Variants in VPS13B observed in about 807,000 individuals in gnomAD.
The protein encoded by VPS13B is intermembrane lipid transfer protein VPS13B.
Under a neutral mutation model 426.4 loss-of-function variants are expected in VPS13B, and 285 were observed. The ratio of observed to expected loss-of-function variants is 0.67; its 90% CI spans 0.61 to 0.74. The LOEUF (loss-of-function observed/expected upper bound fraction) is 0.74. Ranked by LOEUF, VPS13B falls within the 30% of genes least tolerant of loss-of-function variation. The probability of loss-of-function intolerance (pLI) is 0.00; values close to 1 mark genes in which losing one functional copy is unlikely to be tolerated. For missense variants in VPS13B, 4,537 were observed against 4,782.6 expected (o/e 0.95, Z 1.51); for synonymous variants, 1,676 against 1,676.4 (o/e 1.00, Z 0.01).
intron 45 of VPS13B, 42 bp downstream of exon 45, chr8:99,817,845 T>C (rs776676345): frequency 1.6e-5 from 26 of 1,613,774 alleles, no homozygotes; most frequent in Middle Eastern, 1.7e-4. Flanking sequence ...AGCTTTACCA[T>C]TGAAATTTTC....
chr8:99,286,317 A>G (rs1344197586), intron 19 of VPS13B, among the ~76,000 whole-genome samples: 1 of 152,204 alleles, frequency 6.6e-6, no homozygotes, highest in Non-Finnish European at 1.5e-5. Flanking sequence ...TCGGTCTGTT[A>G]AAGAATAATT....
chr8:99,505,940 T>G (rs1350262208), intron 27 of VPS13B, among the ~76,000 whole-genome samples: 1 of 152,238 alleles, frequency 6.6e-6, no homozygotes, highest in Non-Finnish European at 1.5e-5. Context: ...TTTTGTTTTA[T>G]AAGATGACAA....
intron 23 of VPS13B, among the ~76,000 whole-genome samples, chr8:99,466,429 C>T (rs1819116667): frequency 6.6e-6 from 1 of 151,830 alleles, no homozygotes; most frequent in Admixed American, 6.6e-5. Context: ...TTGTAAAGTC[C>T]AAAATACAAA....
chr8:99,757,961 C>T (rs1355709498), intron 39 of VPS13B, among the ~76,000 whole-genome samples: 1 of 152,086 alleles, frequency 6.6e-6, no homozygotes, highest in East Asian at 1.9e-4. Context: ...TTTACTTGTT[C>T]CCACTTCCCA....
chr8:99,859,539 A>C, intron 57 of VPS13B, 59 bp downstream of exon 57: 1 of 1,323,518 alleles, frequency 7.6e-7, no homozygotes, highest in Non-Finnish European at 1.0e-6. Flanking sequence ...TTTTTTTTTT[A>C]AAGAATGTGC....
At chr8:99,309,073 G>A (rs1349123573) in intron 19 of VPS13B, among the ~76,000 whole-genome samples, 2 of 151,896 alleles carry the variant, frequency 1.3e-5, no homozygotes, top group African/African-American at 4.8e-5. Context: ...TGTAGATTCT[G>A]GATATTAGCC....
Position 99,481,578 on chromosome 8 carries a change from T to C in VPS13B, c.3667-21T>C, listed in dbSNP as rs759119712. ...GGAAGTTGAAAGACTTGTTTTCTTT[T>C]CTTTTTTCTTATGCTCTCAGGTCCA... On this transcript the variant is annotated intron_variant, in intron 24 of 61. Coordinates refer to ENST00000357162, the MANE Select transcript of VPS13B (RefSeq NM_152564.5). The C allele has an allele frequency of 2.5e-6, 4 of 1,611,604 alleles. No homozygotes were observed. The Admixed American group carries it at 6.7e-5, about 27-fold the overall frequency.
At chr8:99,586,493 G>C (rs34273034) in intron 33 of VPS13B, among the ~76,000 whole-genome samples, 1 of 151,978 alleles carries the variant, frequency 6.6e-6, no homozygotes, top group African/African-American at 2.4e-5. Flanking sequence ...AACTAGTCTA[G>C]TCCTTCTTAA....
At chr8:99,126,698 A>G (rs1053049193) in intron 8 of VPS13B, among the ~76,000 whole-genome samples, 2 of 152,222 alleles carry the variant, frequency 1.3e-5, no homozygotes, top group African/African-American at 2.4e-5. Flanking sequence ...TCTGTTCCAT[A>G]TATTTTGCTA....
chr8:99,860,176 G>A (rs575487174), intron 57 of VPS13B, among the ~76,000 whole-genome samples: 2 of 152,306 alleles, frequency 1.3e-5, no homozygotes, highest in African/African-American at 4.8e-5. Flanking sequence ...TCTGACTATA[G>A]GCCATAGGAC....
In VPS13B at chr8:99,019,163, T is replaced by A. The variant is rs536727864; in HGVS notation, c.147+5228T>A. On this transcript the variant is annotated intron_variant, in intron 2 of 61. Transcript: ENST00000357162. ...TCAATGTTAGTGGTTTTTTTAAAATTGTGATAGAATATGTATAATACAACA... is the reference window on the plus strand; with the variant it reads ...TCAATGTTAGTGGTTTTTTTAAAATAGTGATAGAATATGTATAATACAACA... Among the ~76,000 whole-genome samples the A allele has an allele frequency of 3.8e-4, 58 of 152,200 alleles. 1 individual carries two copies. The highest frequency in any genetic ancestry group is 3.4e-3 in the Middle Eastern group (1 of 294).
chr8:99,172,033 C>T (rs903540789), intron 16 of VPS13B, among the ~76,000 whole-genome samples: 30 of 152,100 alleles, frequency 2.0e-4, no homozygotes, highest in Admixed American at 4.6e-4. Context: ...ATACAGTGGG[C>T]GAAGAATTTG....
intron 25 of VPS13B, among the ~76,000 whole-genome samples, chr8:99,493,539 C>T (rs773400103): frequency 1.3e-5 from 2 of 152,076 alleles, no homozygotes; most frequent in Non-Finnish European, 2.9e-5. Context: ...CGTCTGAGCA[C>T]TTTGGGAGGC....
Position 99,133,234 on chromosome 8 carries a change from G to A in VPS13B, c.1207-1398G>A, listed in dbSNP as rs996911276. ...CCTTGCGCTTTTATGGTATGGAGAC[G>A]TCTTCGTTCCATAAGGCTCATGAAC... On this transcript the variant is annotated intron_variant, in intron 8 of 61. Transcript: ENST00000357162. Among the ~76,000 whole-genome samples the A allele has an allele frequency of 5.9e-5, 9 of 152,318 alleles. No homozygotes were observed. In the South Asian group the frequency reaches 1.0e-3, roughly 18 times the overall value.
At chr8:99,476,679 GA>G (rs753706562) in intron 24 of VPS13B, among the ~76,000 whole-genome samples, 33 of 151,932 alleles carry the variant, frequency 2.2e-4, no homozygotes, top group Non-Finnish European at 3.7e-4. Flanking sequence ...TTTAAATTAG[GA>G]AAATAAAAAA....
chr8:99,403,686 T>C (rs1166052339), intron 21 of VPS13B, among the ~76,000 whole-genome samples: 4 of 152,208 alleles, frequency 2.6e-5, no homozygotes, highest in Non-Finnish European at 5.9e-5. Flanking sequence ...GGTTGGGTCA[T>C]GTATTCACCC....
At chr8:99,826,334 T>C (rs1814680601) in intron 51 of VPS13B, among the ~76,000 whole-genome samples, 2 of 152,220 alleles carry the variant, frequency 1.3e-5, no homozygotes, top group African/African-American at 4.8e-5. Flanking sequence ...TTTTAGCAAT[T>C]GTGAATGGGA....
intron 39 of VPS13B, among the ~76,000 whole-genome samples, chr8:99,743,063 A>G (rs765717789): frequency 5.9e-5 from 9 of 152,204 alleles, no homozygotes; most frequent in African/African-American, 1.7e-4. Flanking sequence ...ACATGATTGT[A>G]TATCTAGAAA....
chr8:99,046,837 T>C (rs1389475729), intron 3 of VPS13B, among the ~76,000 whole-genome samples: 1 of 152,224 alleles, frequency 6.6e-6, no homozygotes, highest in Non-Finnish European at 1.5e-5. Flanking sequence ...ATTTATTGAC[T>C]CGTGTGTGTT....
Sources: allele counts gnomAD v4.1 joint callset (sites outside exome capture counted in the v4.1 genomes callset), GRCh38; gene constraint gnomAD v4.1.1; transcripts MANE v1.5; gene names NCBI Gene and HGNC (gene_info 2026-07-23, HGNC 2026-07-21).